Variants in LRP1 observed in about 807,000 individuals in gnomAD.
The protein encoded by LRP1 is prolow-density lipoprotein receptor-related protein 1.
A neutral mutation model predicts 541.5 loss-of-function variants in LRP1; 51 were observed. The ratio of observed to expected loss-of-function variants is 0.09; its 90% CI spans 0.08 to 0.12. The LOEUF (loss-of-function observed/expected upper bound fraction) is 0.12. Among genes scored for constraint, LRP1 ranks in the 10% least tolerant of loss-of-function variants. The pLI is 1.00. For synonymous variants in LRP1, 2,219 were observed against 2,470.8 expected (o/e 0.90, Z 3.02); for missense variants, 3,878 against 6,376.2 (o/e 0.61, Z 13.34).
In LRP1 at chr12:57,212,738, T is replaced by C; in HGVS notation, c.*183T>C. ...AAGCGAGCACAGTATTATTTCTCCA[T>C]CCCCTCCCTGCCTGCTCCTTGGCAC... On this transcript the variant is annotated 3_prime_UTR_variant, in exon 89 of 89. Coordinates refer to ENST00000243077, the MANE Select transcript of LRP1 (RefSeq NM_002332.3). The surrounding 1 kb of genome is among the most constrained non-coding windows in gnomAD (Gnocchi z 5.0). 1 of 639,788 alleles carries C rather than the reference T, an allele frequency of 1.6e-6. No homozygotes were observed. Among genetic ancestry groups the C allele is most frequent in the South Asian group, 2.1e-5 (1 of 47,298 alleles). The allele number at this position is 639,788 out of a possible 1,614,324, so 39.6% of individuals were successfully genotyped here. A position where few individuals can be genotyped will look rare whatever the true frequency, so the allele number is the denominator to read the frequency against.
chr12:57,182,545 C>T lies in LRP1; in HGVS notation c.5663-834C>T, dbSNP rs34144229. On this transcript the variant is annotated intron_variant, in intron 34 of 88. Coordinates refer to ENST00000243077, the MANE Select transcript of LRP1 (RefSeq NM_002332.3). The stretch of plus-strand genomic sequence containing the variant: ...AAAAAAAAAAAAAAAGAGCCAGGTG[C>T]GTGGCTCATGCCTGTGATCCCAGCA... 7.1e-3 allele frequency among the ~76,000 whole-genome samples: 1,013 copies of T among 143,536 alleles called. 8 individuals carry two copies. The highest frequency in any genetic ancestry group is 0.025 in the African/African-American group (965 of 38,568). The allele number at this position is 143,536 out of a possible 152,430, so 94.2% of individuals were successfully genotyped here. A position where few individuals can be genotyped will look rare whatever the true frequency, so the allele number is the denominator to read the frequency against.
At chr12:57,139,298 C>T (rs1011313379) in intron 2 of LRP1, among the ~76,000 whole-genome samples, 2 of 152,086 alleles carry the variant, frequency 1.3e-5, no homozygotes, top group African/African-American at 4.8e-5. Context: ...TATCCTGCTC[C>T]AGTCCCATCT....
At chr12:57,174,718 T>A (rs1232392782) in intron 22 of LRP1, among the ~76,000 whole-genome samples, 1 of 152,100 alleles carries the variant, frequency 6.6e-6, no homozygotes, top group East Asian at 1.9e-4. Context: ...TGAGCCAACA[T>A]CCTGCCACTG....
chr12:57,199,343 A>G lies in LRP1; in HGVS notation c.9808A>G (p.Ser3270Gly). ...GGGCACCAACAAAACGCTCCTCATC[A>G]GCACGCTGCACCGGCCCATGGACCT... ...TTGTNKTLLI[S>G]TLHRPMDLHV... is the part of the protein sequence containing the mutation. Residue 3270 changes from serine to glycine, a missense_variant, in exon 61 of 89, where the codon AGC becomes GGC. Coordinates refer to ENST00000243077, the MANE Select transcript of LRP1 (RefSeq NM_002332.3). The G allele has an allele frequency of 6.2e-7, 1 of 1,613,334 alleles. No individual in the cohort carries two copies. The highest frequency in any genetic ancestry group is 8.5e-7 in the Non-Finnish European group (1 of 1,179,934).
In LRP1 at chr12:57,193,681, C is replaced by T. The variant is rs752971353; in HGVS notation, c.7800C>T (p.Cys2600=). Residue 2600 remains cysteine, a synonymous_variant, in exon 47 of 89, where the codon TGC becomes TGT. Coordinates refer to ENST00000243077, the MANE Select transcript of LRP1 (RefSeq NM_002332.3). ...DCGDGSDEIP[C]NKTACGVGEF... ...GGGATGGCTCTGACGAGATCCCTTG[C>T]AACAGTGAGTGAGGCGCACTGGCAT... 1.2e-6 allele frequency: 2 copies of T among 1,614,150 alleles called. No individual in the cohort carries two copies. Among genetic ancestry groups the T allele is most frequent in the Non-Finnish European group, 1.7e-6 (2 of 1,180,024 alleles).
At chr12:57,149,741 G>A (rs745705588) in intron 6 of LRP1, 1 of 726,190 alleles carries the variant, frequency 1.4e-6, no homozygotes. Flanking sequence ...CTCCAGACTG[G>A]CTGGTGGAAG....
In LRP1 at chr12:57,147,152, A is replaced by C. The variant is rs528539968; in HGVS notation, c.841+1662A>C. ...GGGGCAGAGTCCAGGAGGCTAGAAG[A>C]GTCCAAGGGGAAATGCTTGTGGGGT... On this transcript the variant is annotated intron_variant, in intron 6 of 88. Transcript: ENST00000243077. 1.1e-4 allele frequency among the ~76,000 whole-genome samples: 17 copies of C among 151,780 alleles called. 1 individual carries two copies. The highest frequency in any genetic ancestry group is 1.0e-3 in the Admixed American group (16 of 15,256).
rs1212719820 is a variant in LRP1, at chr12:57,143,686, A to G, written c.336A>G (p.Gln112=). Residue 112 remains glutamine, a synonymous_variant, in exon 4 of 89, where the codon CAA becomes CAG. Coordinates refer to ENST00000243077, the MANE Select transcript of LRP1 (RefSeq NM_002332.3). The part of the protein sequence containing the change: ...SDEGPHCREL[Q]GNCSRLGCQH... The stretch of plus-strand genomic sequence containing the variant: ...TCTCCTGCCCCCACACAGAGCTCCA[A>G]GGCAACTGCTCTCGCCTGGGCTGCC... 6.2e-7 allele frequency: 1 copy of G among 1,613,476 alleles called. No homozygotes were observed. The highest frequency in any genetic ancestry group is 8.5e-7 in the Non-Finnish European group (1 of 1,179,500).
chr12:57,135,623 C>T (rs2035143157), intron 1 of LRP1, among the ~76,000 whole-genome samples: 1 of 152,214 alleles, frequency 6.6e-6, no homozygotes, highest in Non-Finnish European at 1.5e-5. Flanking sequence ...CTCTGCAATC[C>T]TTGTGCTGGC....
intron 6 of LRP1, chr12:57,149,270 T>C (rs1183266134): frequency 6.8e-6 from 3 of 442,806 alleles, no homozygotes; most frequent in East Asian, 6.9e-5. Flanking sequence ...CACCCCACTC[T>C]TTGGCCTTAG....
In LRP1 at chr12:57,203,187, G is replaced by A; in HGVS notation, c.10718G>A (p.Arg3573Gln). 9 of 1,589,964 alleles carry A rather than the reference G, an allele frequency of 5.7e-6. No individual in the cohort carries two copies. Among genetic ancestry groups the A allele is most frequent in the African/African-American group, 1.3e-5 (1 of 74,666 alleles). The change falls in exon 69 of 89, where the codon CGG becomes CAG. Residue 3573 changes from arginine (R) to glutamine (Q), a missense_variant. Physicochemically the swap from Arg to Gln is conservative, Grantham distance 43 (BLOSUM62 1). Transcript: ENST00000243077. ...CTCCCCCTGTCCTTCCCAGCCCCTC[G>A]GCCCTGCTCCGAGAGTGAGTTCTCC... ...DNSDEESCTP[R>Q]PCSESEFSCA...
At chr12:57,151,873 TGTG>T (rs1240854102) in intron 6 of LRP1, among the ~76,000 whole-genome samples, 1 of 152,086 alleles carries the variant, frequency 6.6e-6, no homozygotes, top group Non-Finnish European at 1.5e-5. Flanking sequence ...AGAAAAATAA[TGTG>T]GTGCAGGGGG....
In LRP1 at chr12:57,158,217, C is replaced by T. The variant is rs1385193968; in HGVS notation, c.1562-185C>T. On this transcript the variant is annotated intron_variant, in intron 10 of 88. Transcript: ENST00000243077. The surrounding 1 kb of genome is among the most constrained non-coding windows in gnomAD (Gnocchi z 5.3). ...GCAGAGGTCAGACCCCAGGGTATTG[C>T]GGCCAGGACCCATCGTCCTGTATGT... Among the ~76,000 whole-genome samples, 5 of 152,208 alleles carry T rather than the reference C, an allele frequency of 3.3e-5. No individual in the cohort carries two copies. Among genetic ancestry groups the T allele is most frequent in the East Asian group, 1.9e-4 (1 of 5,198 alleles).
Position 57,160,013 on chromosome 12 carries a change from C to A in LRP1, c.1979+8C>A. 1 of 1,613,030 alleles carries A rather than the reference C, an allele frequency of 6.2e-7. No homozygotes were observed. Among genetic ancestry groups the A allele is most frequent in the Non-Finnish European group, 8.5e-7 (1 of 1,179,266 alleles). On this transcript the variant is annotated splice_region_variant and intron_variant, in intron 12 of 88. Transcript: ENST00000243077. ...GGTGGATCCACTCAATGGGTGAGTCCTCCCAGGCCTTGGGGTGGGAGGAGC... is the reference window on the plus strand; with the variant it reads ...GGTGGATCCACTCAATGGGTGAGTCATCCCAGGCCTTGGGGTGGGAGGAGC...
intron 1 of LRP1, among the ~76,000 whole-genome samples, chr12:57,134,360 C>A (rs988455585): frequency 6.6e-6 from 1 of 152,186 alleles, no homozygotes; most frequent in African/African-American, 2.4e-5. Flanking sequence ...TCTGAGGAGC[C>A]CTGAAGGCCA....
rs1592630862 is a variant in LRP1, at chr12:57,173,640, C to T, written c.3347-140C>T. On this transcript the variant is annotated intron_variant, in intron 21 of 88. Coordinates refer to ENST00000243077, the MANE Select transcript of LRP1 (RefSeq NM_002332.3). This position sits in a 1 kb window ranked among gnomAD's most constrained non-coding sequence, Gnocchi z 4.7. ...TGTTTGTTGCCTATGTGAATTTGAC[C>T]CAAAAAGCCTCGGGGTTCCTCGTGG... 5.8e-6 allele frequency: 5 copies of T among 863,334 alleles called. No individual in the cohort carries two copies. In the East Asian group the frequency reaches 1.3e-4, roughly 22 times the overall value. The allele number at this position is 863,334 out of a possible 1,614,324, so 53.5% of individuals were successfully genotyped here.
Position 57,158,317 on chromosome 12 carries a change from C to A in LRP1, c.1562-85C>A. On this transcript the variant is annotated intron_variant, in intron 10 of 88. Coordinates refer to ENST00000243077, the MANE Select transcript of LRP1 (RefSeq NM_002332.3). The surrounding 1 kb of genome is among the most constrained non-coding windows in gnomAD (Gnocchi z 5.3). ...GTCTCCTGACCCATCACAGCTAGGGCATTGCAGCCCCTTGGCCGCAGCCCC... is the reference window on the plus strand; with the variant it reads ...GTCTCCTGACCCATCACAGCTAGGGAATTGCAGCCCCTTGGCCGCAGCCCC... 3.6e-6 allele frequency: 4 copies of A among 1,096,126 alleles called. No homozygotes were observed. Among genetic ancestry groups the A allele is most frequent in the South Asian group, 1.5e-5 (1 of 68,960 alleles). The allele number at this position is 1,096,126 out of a possible 1,614,324, so 67.9% of individuals were successfully genotyped here.
chr12:57,181,390 A>AC, intron 34 of LRP1, 99 bp downstream of exon 34: 1 of 1,439,902 alleles, frequency 6.9e-7, no homozygotes. Context: ...TGGGGACAAG[A>AC]CTACATTCGT....
rs2036243282 is a variant in LRP1 at position 57,185,139 on chromosome 12, C to T, written c.6397C>T (p.Pro2133Ser). The T allele has an allele frequency of 6.2e-7, 1 of 1,614,158 alleles. No individual in the cohort carries two copies. Among genetic ancestry groups the T allele is most frequent in the Non-Finnish European group, 8.5e-7 (1 of 1,180,028 alleles). Residue 2133 changes from proline to serine, a missense_variant, in exon 40 of 89, where the codon CCC (proline) becomes TCC (serine). By Grantham distance (74) the Pro-to-Ser change is moderately conservative. This residue lies in a region of LRP1 where 1,100 missense variants were observed against 1,827.4 expected (regional missense o/e 0.60). Transcript: ENST00000243077. The surrounding 1 kb of genome is among the most constrained non-coding windows in gnomAD (Gnocchi z 4.9). The part of the protein sequence containing the change: ...GSKDNATDSV[P>S]LRTGIGVQLK... ...CAAAGACAATGCCACAGACTCCGTG[C>T]CCCTGCGAACCGGCATCGGCGTCCA...
Sources: allele counts gnomAD v4.1 joint callset (sites outside exome capture counted in the v4.1 genomes callset), GRCh38; gene constraint gnomAD v4.1.1; regional missense constraint gnomAD v4.1.1; non-coding constraint Gnocchi (gnomAD v3.1); transcripts MANE v1.5; gene names NCBI Gene and HGNC (gene_info 2026-07-23, HGNC 2026-07-21).